The following KEL variants were observed in gnomAD, a reference collection of about 807,000 sequenced individuals.
KEL encodes kell blood group glycoprotein.
In KEL, 96 loss-of-function variants were observed where a neutral mutation model predicts 99.5. That is an observed-to-expected ratio of 0.97 (90% CI 0.82 to 1.14). KEL has a LOEUF of 1.14. Ranked by LOEUF, KEL falls within the 50% of genes most tolerant of loss-of-function variation. The pLI is 0.00. For missense variants in KEL, 926 were observed against 924.2 expected (o/e 1.00, Z -0.03); for synonymous variants, 355 against 354.8 (o/e 1.00, Z -0.01).
intron 6 of KEL, among the ~76,000 whole-genome samples, chr7:142,957,274 A>G (rs1456953246): frequency 6.6e-6 from 1 of 152,224 alleles, no homozygotes; most frequent in Non-Finnish European, 1.5e-5. Flanking sequence ...GAACTGAGGA[A>G]TATTCCTGGA....
Position 142,941,366 on chromosome 7 carries a change from G to C in KEL, c.2085C>G (p.Ser695Arg). 1 of 1,611,630 alleles carries C rather than the reference G, an allele frequency of 6.2e-7. No individual in the cohort carries two copies. Among genetic ancestry groups the C allele is most frequent in the Non-Finnish European group, 8.5e-7 (1 of 1,178,060 alleles). ...GCCCGTGGACTCGGAGGTGTGGAGG[G>C]CTGTGAGTGTCGTGAGAGTCCTGGG... ...PSPQDSHDTH[S>R]PPHLRVHGPL... The change falls in exon 19 of 19, where the codon AGC becomes AGG. Residue 695 changes from serine to arginine, a missense_variant. Transcript: ENST00000355265.
chr7:142,946,411 G>A (rs1796532734), intron 10 of KEL, 94 bp from the exon 11 acceptor site: 8 of 1,031,144 alleles, frequency 7.8e-6, no homozygotes, highest in Non-Finnish European at 8.9e-6. Context: ...CCCAGAGGGT[G>A]CTCTTTTGAC....
chr7:142,942,326 G>T, intron 18 of KEL, 108 bp downstream of exon 18: 1 of 759,484 alleles, frequency 1.3e-6, no homozygotes, highest in South Asian at 1.5e-5. Flanking sequence ...GCAGAAGAGG[G>T]TTTGGGGTAT....
Position 142,943,787 on chromosome 7 carries a change from G to GT in KEL, c.1587dup (p.His530ThrfsTer18). The GT allele has an allele frequency of 6.2e-7, 1 of 1,613,782 alleles. No homozygotes were observed. The highest frequency in any genetic ancestry group is 1.1e-5 in the South Asian group (1 of 91,062). ...GTGTCTCCCCTGCTGTCATACCTGT[G>GT]TTGGGGGTGAGGCTGCAAGAAGCTC... On this transcript the variant is annotated frameshift_variant, in exon 14 of 19. Transcript: ENST00000355265. LOFTEE classifies it high-confidence loss of function.
Position 142,941,344 on chromosome 7 carries a change from C to G in KEL, c.2107G>C (p.Gly703Arg), listed in dbSNP as rs191330570. 50 of 1,613,590 alleles carry G rather than the reference C, an allele frequency of 3.1e-5. 1 individual carries two copies. In the East Asian group the frequency reaches 4.7e-4, roughly 15 times the overall value. ...THSPPHLRVHGPLSSTPAFAR... is the reference protein window; with the variant it reads ...THSPPHLRVHRPLSSTPAFAR... ...AAGGCTGGGGTGCTGCTGAGGGGCC[C>G]GTGGACTCGGAGGTGTGGAGGGCTG... The change falls in exon 19 of 19, where the codon GGG (glycine) becomes CGG (arginine). Residue 703 changes from glycine to arginine, a missense_variant. Transcript: ENST00000355265.
Position 142,942,932 on chromosome 7 carries a change from G to A in KEL, c.1884C>T (p.Asp628=), listed in dbSNP as rs1340882002. 2 of 1,614,080 alleles carry A rather than the reference G, an allele frequency of 1.2e-6. No homozygotes were observed. Among genetic ancestry groups the A allele is most frequent in the South Asian group, 1.1e-5 (1 of 91,088 alleles). Residue 628 remains aspartate, a synonymous_variant, in exon 17 of 19, where the codon GAC becomes GAT. Transcript: ENST00000355265. Reference sequence around the variant, plus strand: ...CAGCATTCTCTAAGAATGTGAGGGAGTCATTGAAGGAGGTTCTGCTAGGTA... The same window carrying A: ...CAGCATTCTCTAAGAATGTGAGGGAATCATTGAAGGAGGTTCTGCTAGGTA... The part of the protein sequence containing the change: ...FPLPSRTSFN[D]SLTFLENAAD...
intron 8 of KEL, 101 bp from the exon 9 acceptor site, chr7:142,954,057 G>T (rs943346024): frequency 4.9e-6 from 7 of 1,441,748 alleles, no homozygotes; most frequent in Non-Finnish European, 6.8e-6. Flanking sequence ...AGGCTAACTG[G>T]GGGAGGGGAT....
At chr7:142,943,963 G>A in intron 13 of KEL, 80 bp from the exon 14 acceptor site, 1 of 1,214,418 alleles carries the variant, frequency 8.2e-7, no homozygotes, top group East Asian at 2.5e-5. Flanking sequence ...GGGACCATTT[G>A]ACCCCAAACA....
intron 4 of KEL, among the ~76,000 whole-genome samples, chr7:142,959,625 CAG>C (rs1401666280): frequency 6.6e-6 from 1 of 152,138 alleles, no homozygotes; most frequent in Non-Finnish European, 1.5e-5. Context: ...AGAGAAGAAA[CAG>C]GGGAAGACTC....
intron 13 of KEL, 146 bp from the exon 14 acceptor site, chr7:142,944,029 C>T (rs1482841293): frequency 2.7e-6 from 2 of 731,212 alleles, no homozygotes; most frequent in East Asian, 5.4e-5. Flanking sequence ...CCAATGGCAT[C>T]ACTACACAGC....
chr7:142,959,120 G>C (rs1410212465), intron 4 of KEL, among the ~76,000 whole-genome samples: 1 of 152,150 alleles, frequency 6.6e-6, no homozygotes, highest in African/African-American at 2.4e-5. Context: ...CTGTATCATG[G>C]GCCATGGTCA....
chr7:142,962,269 C>T lies in KEL; in HGVS notation c.-63G>A. On this transcript the variant is annotated 5_prime_UTR_variant, in exon 1 of 19. Coordinates refer to ENST00000355265, the MANE Select transcript of KEL (RefSeq NM_000420.3). ...CCACTCTAGGAGCTGATTCGGAGGA[C>T]TGGGGTCCAGGAAACACCCCCCGCC... 5 of 1,604,734 alleles carry T rather than the reference C, an allele frequency of 3.1e-6. No homozygotes were observed. The highest frequency in any genetic ancestry group is 1.7e-5 in the Admixed American group (1 of 60,014).
intron 10 of KEL, chr7:142,946,653 T>G: frequency 2.8e-6 from 1 of 361,598 alleles, no homozygotes. Context: ...GGCAGTCTGA[T>G]GTTCCCCCTG....
At chr7:142,958,082 T>C in intron 5 of KEL, 109 bp from the exon 6 acceptor site, 1 of 1,423,870 alleles carries the variant, frequency 7.0e-7, no homozygotes, top group Non-Finnish European at 9.7e-7. Flanking sequence ...CCCTGCGCCC[T>C]TCGATTCCTC....
Position 142,941,340 on chromosome 7 carries a change from G to T in KEL, c.2111C>A (p.Pro704His), listed in dbSNP as rs747806266. The change falls in exon 19 of 19, where the codon CCC (proline) becomes CAC (histidine). Residue 704 changes from proline to histidine, a missense_variant. Pro to His is a moderately conservative substitution (Grantham distance 77). Coordinates refer to ENST00000355265, the MANE Select transcript of KEL (RefSeq NM_000420.3). ...HSPPHLRVHG[P>H]LSSTPAFARY... is the part of the protein sequence containing the mutation. ...GGCAAAGGCTGGGGTGCTGCTGAGG[G>T]GCCCGTGGACTCGGAGGTGTGGAGG... 1.4e-5 allele frequency: 22 copies of T among 1,613,666 alleles called. No homozygotes were observed. Among genetic ancestry groups the T allele is most frequent in the Non-Finnish European group, 1.9e-5 (22 of 1,179,764 alleles).
At chr7:142,953,711 C>T in intron 9 of KEL, 97 bp downstream of exon 9, 2 of 1,451,536 alleles carry the variant, frequency 1.4e-6, no homozygotes, top group Non-Finnish European at 1.9e-6. Flanking sequence ...AGGCCCTTAC[C>T]AGCCTGCCTT....
At chr7:142,958,480 C>T (rs1261344303) in intron 4 of KEL, 52 bp from the exon 5 acceptor site, 1 of 1,581,790 alleles carries the variant, frequency 6.3e-7, no homozygotes, top group African/African-American at 1.3e-5. Flanking sequence ...TTTTATCTTG[C>T]CCCAAATTCC....
chr7:142,943,420 T>C, intron 15 of KEL, 66 bp downstream of exon 15: 1 of 1,606,930 alleles, frequency 6.2e-7, no homozygotes. Flanking sequence ...GTAAGTCCCA[T>C]CCATCATAAC....
In KEL at chr7:142,958,316, T is replaced by G. The variant is rs529823073; in HGVS notation, c.513A>C (p.Gln171His). 6.2e-7 allele frequency: 1 copy of G among 1,614,144 alleles called. No homozygotes were observed. Among genetic ancestry groups the G allele is most frequent in the South Asian group, 1.1e-5 (1 of 91,082 alleles). ...CAACTTTTCTCACCTCCTCAATAAC[T>G]TGTCTGAGGGGACCAGTCCCTGCAG... is the stretch of plus-strand genomic sequence containing the variant. Reference protein sequence around the residue: ...IEAAGTGPLRQVIEELGGWRI... With the variant: ...IEAAGTGPLRHVIEELGGWRI... Residue 171 changes from glutamine (Q) to histidine (H), a missense_variant, in exon 5 of 19, where the codon CAA (glutamine) becomes CAC (histidine). Transcript: ENST00000355265.
Sources: allele counts gnomAD v4.1 joint callset (sites outside exome capture counted in the v4.1 genomes callset), GRCh38; gene constraint gnomAD v4.1.1; transcripts MANE v1.5; gene names NCBI Gene and HGNC (gene_info 2026-07-23, HGNC 2026-07-21).